Variants in LRRTM4 observed in about 807,000 individuals in gnomAD.
LRRTM4 encodes leucine rich repeat transmembrane neuronal 4, also known as leucine-rich repeat transmembrane neuronal protein 4.
In LRRTM4, 25 loss-of-function variants were observed where a neutral mutation model predicts 47.6. The ratio of observed to expected loss-of-function variants is 0.53; its 90% CI spans 0.38 to 0.73. LRRTM4 has a LOEUF of 0.73. LRRTM4 is among the 30% of genes least tolerant of loss of function. LRRTM4 has a pLI of 0.00. For missense variants in LRRTM4, 638 were observed against 713.4 expected (o/e 0.89, Z 1.20); for synonymous variants, 311 against 269.5 (o/e 1.15, Z -1.51).
chr2:76,950,685 A>T (rs1249984620), intron 3 of LRRTM4, among the ~76,000 whole-genome samples: 1 of 151,994 alleles, frequency 6.6e-6, no homozygotes, highest in Non-Finnish European at 1.5e-5. Context: ...ATTTGGCTAA[A>T]TTAGGGCCCT....
intron 3 of LRRTM4, among the ~76,000 whole-genome samples, chr2:77,362,644 A>C (rs969521617): frequency 9.2e-5 from 14 of 152,160 alleles, no homozygotes; most frequent in African/African-American, 3.4e-4. Flanking sequence ...GTCCCAGAGA[A>C]GCCCATCTAA....
At chr2:77,084,368 C>T (rs1680639247) in intron 3 of LRRTM4, among the ~76,000 whole-genome samples, 1 of 152,160 alleles carries the variant, frequency 6.6e-6, no homozygotes, top group Non-Finnish European at 1.5e-5. Flanking sequence ...CAGCCTACGT[C>T]CTGAGGACTT....
chr2:76,835,277 A>G (rs925086444), intron 3 of LRRTM4, among the ~76,000 whole-genome samples: 1 of 147,986 alleles, frequency 6.8e-6, no homozygotes, highest in African/African-American at 2.4e-5. Context: ...CCTGAGAGAA[A>G]AAAACACTAA....
intron 3 of LRRTM4, among the ~76,000 whole-genome samples, chr2:77,062,803 G>T (rs1053637362): frequency 6.6e-6 from 1 of 152,114 alleles, no homozygotes; most frequent in Non-Finnish European, 1.5e-5. Flanking sequence ...GTTCTGTGAT[G>T]TTGGCACAAG....
intron 3 of LRRTM4, among the ~76,000 whole-genome samples, chr2:76,868,915 T>C (rs1672542089): frequency 6.6e-6 from 1 of 152,130 alleles, no homozygotes; most frequent in Admixed American, 6.5e-5. Context: ...CCTATTAAAA[T>C]TGCTTTCAGG....
At chr2:76,858,199 A>T (rs553923773) in intron 3 of LRRTM4, among the ~76,000 whole-genome samples, 1 of 152,300 alleles carries the variant, frequency 6.6e-6, no homozygotes, top group African/African-American at 2.4e-5. Flanking sequence ...ATAACAATTC[A>T]ATCTGTAAAC....
intron 3 of LRRTM4, among the ~76,000 whole-genome samples, chr2:77,166,417 G>C (rs1175889662): frequency 6.6e-6 from 1 of 152,084 alleles, no homozygotes; most frequent in Non-Finnish European, 1.5e-5. Flanking sequence ...TCCCCATCAA[G>C]CTACCAATGA....
chr2:77,306,530 A>G (rs2104179505), intron 3 of LRRTM4, among the ~76,000 whole-genome samples: 1 of 152,352 alleles, frequency 6.6e-6, no homozygotes, highest in East Asian at 1.9e-4. Context: ...TAGCATTCAA[A>G]TGATTATTCA....
At chr2:76,766,504 A>C (rs953644705) in intron 3 of LRRTM4, among the ~76,000 whole-genome samples, 3 of 152,126 alleles carry the variant, frequency 2.0e-5, no homozygotes, top group African/African-American at 7.2e-5. Context: ...TTACCCCTTC[A>C]GTTCTTTTAA....
intron 3 of LRRTM4, among the ~76,000 whole-genome samples, chr2:76,873,174 C>T (rs1035636494): frequency 6.6e-6 from 1 of 151,966 alleles, no homozygotes; most frequent in African/African-American, 2.4e-5. Flanking sequence ...TCTTTGTAGA[C>T]AGTGCTGATG....
In LRRTM4 at chr2:77,306,281, C is replaced by A. The variant is rs73943845; in HGVS notation, c.1551+212037G>T. Among the ~76,000 whole-genome samples, 841 of 152,212 alleles carry A rather than the reference C, an allele frequency of 5.5e-3. 8 individuals carry two copies. Among genetic ancestry groups the A allele is most frequent in the African/African-American group, 0.019 (809 of 41,534 alleles). ...CGAAATAAAATTTTGTGTTCTTTTG[C>A]ATACTTTGGCATCTAAAATGTCATT... On this transcript the variant is annotated intron_variant, in intron 3 of 3. Transcript: ENST00000409884.
intron 3 of LRRTM4, among the ~76,000 whole-genome samples, chr2:76,996,530 T>A (rs532888402): frequency 6.8e-6 from 1 of 146,968 alleles, no homozygotes; most frequent in African/African-American, 2.6e-5. Context: ...AGTAAAATTT[T>A]GCTTAATATT....
intron 3 of LRRTM4, among the ~76,000 whole-genome samples, chr2:77,316,866 A>G (rs777684037): frequency 6.6e-6 from 1 of 152,196 alleles, no homozygotes; most frequent in Non-Finnish European, 1.5e-5. Context: ...TTGAAAGGCA[A>G]TTTGCCAATT....
At chr2:76,991,949 G>A (rs1413962558) in intron 3 of LRRTM4, among the ~76,000 whole-genome samples, 1 of 151,792 alleles carries the variant, frequency 6.6e-6, no homozygotes, top group African/African-American at 2.4e-5. Flanking sequence ...AATAAACTAG[G>A]CTTTATTCTT....
chr2:77,019,861 G>T (rs1678205058), intron 3 of LRRTM4, among the ~76,000 whole-genome samples: 1 of 152,016 alleles, frequency 6.6e-6, no homozygotes, highest in Non-Finnish European at 1.5e-5. Context: ...ATGGGAAAAG[G>T]TTAGAAAAAT....
chr2:77,300,826 T>C (rs536266239), intron 3 of LRRTM4, among the ~76,000 whole-genome samples: 5 of 152,262 alleles, frequency 3.3e-5, no homozygotes, highest in Non-Finnish European at 7.4e-5. Flanking sequence ...ATTTAATATA[T>C]GTTACTCTGT....
chr2:77,298,762 A>G (rs774172930), intron 3 of LRRTM4, among the ~76,000 whole-genome samples: 1 of 152,200 alleles, frequency 6.6e-6, no homozygotes, highest in Non-Finnish European at 1.5e-5. Flanking sequence ...TCTTCCATTC[A>G]TCAGAAAATA....
intron 3 of LRRTM4, among the ~76,000 whole-genome samples, chr2:76,865,362 G>A (rs1672435389): frequency 6.6e-6 from 1 of 152,090 alleles, no homozygotes; most frequent in Non-Finnish European, 1.5e-5. Context: ...AGTCAACATA[G>A]AATTGATACC....
At chr2:77,396,067 T>C (rs186082398) in intron 3 of LRRTM4, among the ~76,000 whole-genome samples, 1 of 152,084 alleles carries the variant, frequency 6.6e-6, no homozygotes, top group East Asian at 1.9e-4. Context: ...AAGCAGGATC[T>C]TGTTCTGAAT....
Sources: allele counts gnomAD v4.1 joint callset (sites outside exome capture counted in the v4.1 genomes callset), GRCh38; gene constraint gnomAD v4.1.1; transcripts MANE v1.5; gene names NCBI Gene and HGNC (gene_info 2026-07-23, HGNC 2026-07-21).